KCNK2: variants seen among roughly 807,000 people sequenced by gnomAD.
KCNK2 encodes the protein potassium two pore domain channel subfamily K member 2.
Under a neutral mutation model 40.5 loss-of-function variants are expected in KCNK2, and 21 were observed. That is an observed-to-expected ratio of 0.52 (90% confidence interval 0.37 to 0.75). The LOEUF is 0.75. KCNK2 is among the 30% of genes least tolerant of loss of function. The pLI, the probability that KCNK2 is intolerant of heterozygous loss-of-function variation, is 0.00. For synonymous variants in KCNK2, 191 were observed against 202.2 expected, an observed-to-expected ratio of 0.94 and a Z score of 0.47; for missense variants, 399 against 531.6, an observed-to-expected ratio of 0.75 and a Z score of 2.45.
chr1:215,007,167 A>G lies in KCNK2; in HGVS notation c.34+1212A>G, dbSNP rs1356668982. The stretch of plus-strand genomic sequence containing the variant: ...TGTGTATATATATATGTATGTATAT[A>G]TATATGTATGTGTGTGGGTATATAT... On this transcript the variant is annotated intron_variant, in intron 1 of 6. Coordinates refer to the KCNK2 transcript ENST00000391895. 5.4e-3 allele frequency among the ~76,000 whole-genome samples: 565 copies of G among 104,840 alleles called. 37 individuals carry two copies. Among genetic ancestry groups the G allele is most frequent in the African/African-American group, 0.025 (541 of 21,706 alleles). 68.8% of individuals were successfully genotyped at this position (104,840 alleles called of 152,430 possible). A position where few individuals can be genotyped will look rare whatever the true frequency, so the allele number is the denominator to read the frequency against.
At chr1:215,142,114 G>T (rs1246850489) in intron 3 of KCNK2, among the ~76,000 whole-genome samples, 1 of 151,990 alleles carries the variant, frequency 6.6e-6, no homozygotes, top group East Asian at 1.9e-4. Flanking sequence ...ATTGAATACA[G>T]ATTTTAATTT....
intron 1 of KCNK2, among the ~76,000 whole-genome samples, chr1:215,062,611 T>C (rs1658399021): frequency 6.7e-6 from 1 of 149,960 alleles, no homozygotes; most frequent in African/African-American, 2.4e-5. Context: ...AGGTGTAGAG[T>C]TCTTGTTTTA....
rs541531610 is a variant in KCNK2 at position 215,058,697 on chromosome 1, C to T, written c.35-27671C>T. On this transcript the variant is annotated intron_variant, in intron 1 of 6. Transcript: ENST00000391895. ...TGTTTACAAAGCCCTACATAATCGCCCCCCTGACCTTTCCAATTTCATTCC... is the reference window on the plus strand; with the variant it reads ...TGTTTACAAAGCCCTACATAATCGCTCCCCTGACCTTTCCAATTTCATTCC... Among the ~76,000 whole-genome samples the T allele has an allele frequency of 8.5e-5, 13 of 152,214 alleles. No individual in the cohort carries two copies. In the South Asian group the frequency reaches 2.5e-3, roughly 29 times the overall value.
At chr1:215,192,933 C>G (rs1436881985) in intron 5 of KCNK2, among the ~76,000 whole-genome samples, 5 of 151,942 alleles carry the variant, frequency 3.3e-5, no homozygotes, top group Non-Finnish European at 7.4e-5. Flanking sequence ...TTTATTGACC[C>G]TTTATTATTT....
At chr1:215,209,395 T>TATATATAATATATA in intron 6 of KCNK2, among the ~76,000 whole-genome samples, 1 of 70,074 alleles carries the variant, frequency 1.4e-5, no homozygotes, top group African/African-American at 6.0e-5. Context: ...ATATATATTA[T>TATATATAATATATA]ATATAAAATA....
At chr1:215,053,945 C>T (rs550389752) in intron 1 of KCNK2, among the ~76,000 whole-genome samples, 108 of 152,246 alleles carry the variant, frequency 7.1e-4, no homozygotes, top group African/African-American at 2.5e-3. Context: ...CCGGCCTGGG[C>T]GACAGAGCAA....
intron 6 of KCNK2, among the ~76,000 whole-genome samples, chr1:215,215,963 T>C (rs1001368473): frequency 6.6e-6 from 1 of 152,166 alleles, no homozygotes; most frequent in African/African-American, 2.4e-5. Context: ...GGCATCGTCA[T>C]TACAGTTTAG....
chr1:215,008,197 T>G (rs777260600), intron 1 of KCNK2, among the ~76,000 whole-genome samples: 2 of 152,084 alleles, frequency 1.3e-5, no homozygotes, highest in Non-Finnish European at 2.9e-5. Context: ...GATTATGATT[T>G]TGAGGATTAT....
chr1:215,108,201 A>G (rs1290402365), intron 2 of KCNK2, among the ~76,000 whole-genome samples: 2 of 152,098 alleles, frequency 1.3e-5, no homozygotes, highest in Non-Finnish European at 2.9e-5. Context: ...CTCACCTCCT[A>G]CTGTGCAGCC....
intron 3 of KCNK2, among the ~76,000 whole-genome samples, chr1:215,153,584 T>A (rs1412403112): frequency 2.6e-5 from 4 of 151,786 alleles, no homozygotes; most frequent in East Asian, 1.9e-4. Flanking sequence ...ATATATATTT[T>A]TTTTTCTCTG....
chr1:215,074,305 A>G (rs532694905), intron 1 of KCNK2, among the ~76,000 whole-genome samples: 1 of 152,316 alleles, frequency 6.6e-6, no homozygotes, highest in South Asian at 2.1e-4. Flanking sequence ...GCAAAAAGGT[A>G]AAAGGGAGAA....
At chr1:215,210,103 G>A (rs147768167) in intron 6 of KCNK2, among the ~76,000 whole-genome samples, 932 of 68,112 alleles carry the variant, frequency 0.014, 24 homozygotes, top group African/African-American at 0.047. Context: ...AAATATATAT[G>A]TACTATACAT....
At chr1:215,125,347 A>T (rs1411834548) in intron 3 of KCNK2, among the ~76,000 whole-genome samples, 1 of 152,156 alleles carries the variant, frequency 6.6e-6, no homozygotes, top group Admixed American at 6.6e-5. Context: ...ATTGTTTGTT[A>T]TAATGTTGAA....
chr1:215,007,184 G>GTATATATATAT (rs1656201261), intron 1 of KCNK2, among the ~76,000 whole-genome samples: 3 of 16,238 alleles, frequency 1.8e-4, no homozygotes, highest in African/African-American at 4.2e-4. Flanking sequence ...TATGTGTGTG[G>GTATATATATAT]GTATATATAT....
chr1:215,038,224 C>G (rs2841577), intron 1 of KCNK2, among the ~76,000 whole-genome samples: 80,694 of 151,974 alleles, frequency 0.53, 21,808 homozygotes, highest in Non-Finnish European at 0.57. Context: ...AGAATCTCAG[C>G]AAGTAAGCCT....
intron 3 of KCNK2, among the ~76,000 whole-genome samples, chr1:215,148,058 A>G (rs1475110756): frequency 3.3e-5 from 4 of 122,452 alleles, no homozygotes; most frequent in Non-Finnish European, 3.5e-5. Context: ...TATTTTAATT[A>G]TTATTTTTTT....
intron 4 of KCNK2, among the ~76,000 whole-genome samples, chr1:215,171,078 A>G (rs549221515): frequency 7.9e-5 from 12 of 152,270 alleles, no homozygotes; most frequent in African/African-American, 2.6e-4. Context: ...AAAATTCTCA[A>G]GCTCTAACAT....
intron 6 of KCNK2, among the ~76,000 whole-genome samples, chr1:215,196,643 T>A (rs1376578172): frequency 1.3e-5 from 2 of 152,096 alleles, no homozygotes; most frequent in African/African-American, 4.8e-5. Flanking sequence ...CGCAATGGAT[T>A]TGCCTTAACC....
upstream of KCNK2, among the ~76,000 whole-genome samples, chr1:215,078,650 G>T (rs12085189): frequency 6.6e-6 from 1 of 152,138 alleles, no homozygotes; most frequent in Non-Finnish European, 1.5e-5. Flanking sequence ...GAATTATGGA[G>T]ATTACAAGTC....
Sources: gnomAD v4.1 joint callset for allele counts (sites outside exome capture counted in the v4.1 genomes callset) on GRCh38, gnomAD v4.1.1 for gene constraint, MANE v1.5 for transcripts, NCBI Gene and HGNC (gene_info 2026-07-23, HGNC 2026-07-21) for gene names.